Variants in CNTN6 observed in about 807,000 individuals in gnomAD.
CNTN6 encodes contactin 6.
Under a neutral mutation model 122.8 loss-of-function variants are expected in CNTN6, and 137 were observed. The ratio of observed to expected loss-of-function variants is 1.12; its 90% CI spans 0.97 to 1.29. CNTN6 has a LOEUF of 1.29. CNTN6 is among the 50% of genes most tolerant of loss of function. The pLI, the probability that CNTN6 is intolerant of heterozygous loss-of-function variation, is 0.00. For synonymous variants in CNTN6, 570 were observed against 426.0 expected (o/e 1.34, Z -4.16); for missense variants, 1,634 against 1,223.4 (o/e 1.34, Z -5.01).
intron 17 of CNTN6, among the ~76,000 whole-genome samples, chr3:1,382,356 TGA>T (rs1204994389): frequency 5.3e-5 from 8 of 152,224 alleles, no homozygotes; most frequent in Non-Finnish European, 4.4e-5. Flanking sequence ...CTGATCTTTG[TGA>T]GAGTTAACAG....
rs528583644 is a variant in CNTN6, at chr3:1,203,920, T to A, written c.56-16767T>A. On this transcript the variant is annotated intron_variant, in intron 2 of 22. Transcript: ENST00000446702. Reference sequence around the variant, plus strand: ...AATACTCCCCATTGTGTTACAGTTGTCTGCAGTACTCAGTACAGTAACATG... The same window carrying A: ...AATACTCCCCATTGTGTTACAGTTGACTGCAGTACTCAGTACAGTAACATG... Among the ~76,000 whole-genome samples, 12 of 152,314 alleles carry A rather than the reference T, an allele frequency of 7.9e-5. No homozygotes were observed. In the South Asian group the frequency reaches 1.9e-3, roughly 24 times the overall value.
chr3:1,272,437 G>T (rs140056180), intron 4 of CNTN6, among the ~76,000 whole-genome samples: 1 of 152,228 alleles, frequency 6.6e-6, no homozygotes, highest in African/African-American at 2.4e-5. Flanking sequence ...CAGAGCATCT[G>T]ACATATAATG....
At chr3:1,342,539 C>T (rs1380652324) in intron 11 of CNTN6, among the ~76,000 whole-genome samples, 1 of 151,958 alleles carries the variant, frequency 6.6e-6, no homozygotes, top group South Asian at 2.1e-4. Context: ...GTTTCCTTTC[C>T]TTTCCCTCTT....
rs575650235 is a variant in CNTN6, at chr3:1,353,804, A to G, written c.1492+1353A>G. 3.3e-5 allele frequency among the ~76,000 whole-genome samples: 5 copies of G among 151,608 alleles called. No individual in the cohort carries two copies. In the South Asian group the frequency reaches 8.3e-4, roughly 25 times the overall value. On this transcript the variant is annotated intron_variant, in intron 12 of 22. Transcript: ENST00000446702. Reference sequence around the variant, plus strand: ...AAGATTAAAATGTGGTGAAGGATAAAAAGGCATTTTGCAGTTAAATCTTCT... The same window carrying G: ...AAGATTAAAATGTGGTGAAGGATAAGAAGGCATTTTGCAGTTAAATCTTCT...
At chr3:1,159,409 A>T (rs147091431) in intron 2 of CNTN6, among the ~76,000 whole-genome samples, 348 of 152,020 alleles carry the variant, frequency 2.3e-3, no homozygotes, top group African/African-American at 7.9e-3. Flanking sequence ...ATGACTGGAG[A>T]TTTCATCACA....
At chr3:1,258,500 A>G (rs2094794889) in intron 4 of CNTN6, among the ~76,000 whole-genome samples, 1 of 152,120 alleles carries the variant, frequency 6.6e-6, no homozygotes, top group Non-Finnish European at 1.5e-5. Flanking sequence ...TACGAGTCAC[A>G]AAGCTTGAGT....
chr3:1,158,867 C>T (rs796654727), intron 2 of CNTN6, among the ~76,000 whole-genome samples: 2 of 22,334 alleles, frequency 9.0e-5, no homozygotes, highest in Non-Finnish European at 3.4e-4. Flanking sequence ...TATATACACA[C>T]ATATATATAC....
intron 19 of CNTN6, among the ~76,000 whole-genome samples, 187 bp from the exon 20 acceptor site, chr3:1,385,424 T>C (rs1400811572): frequency 3.3e-5 from 5 of 152,228 alleles, no homozygotes; most frequent in Non-Finnish European, 1.5e-5. Context: ...ATGACTTTTT[T>C]CCTCATAAAT....
intron 2 of CNTN6, among the ~76,000 whole-genome samples, chr3:1,206,972 G>A (rs927623900): frequency 2.0e-5 from 3 of 152,026 alleles, no homozygotes; most frequent in African/African-American, 7.2e-5. Flanking sequence ...GTGTCTTCAG[G>A]ATGGGTTTGG....
At chr3:1,238,201 AAC>A (rs1027301613) in intron 4 of CNTN6, among the ~76,000 whole-genome samples, 6 of 152,144 alleles carry the variant, frequency 3.9e-5, no homozygotes, top group African/African-American at 1.4e-4. Flanking sequence ...AGACTCAACT[AAC>A]ACAGAAGAAC....
chr3:1,112,061 A>G (rs1003745931), intron 1 of CNTN6, among the ~76,000 whole-genome samples: 2 of 152,198 alleles, frequency 1.3e-5, no homozygotes, highest in Non-Finnish European at 2.9e-5. Context: ...GGAGATCATG[A>G]TACGAATAAG....
chr3:1,350,578 T>C (rs1412784516), intron 11 of CNTN6, among the ~76,000 whole-genome samples: 1 of 151,840 alleles, frequency 6.6e-6, no homozygotes, highest in East Asian at 1.9e-4. Flanking sequence ...TTAGCAAACA[T>C]TGAAGACCTA....
At chr3:1,400,538 T>C (rs2126259328) in intron 20 of CNTN6, among the ~76,000 whole-genome samples, 1 of 152,252 alleles carries the variant, frequency 6.6e-6, no homozygotes, top group South Asian at 2.1e-4. Flanking sequence ...AAAGTTGATG[T>C]CCTTTGGGAT....
At chr3:1,240,982 T>G (rs967342207) in intron 4 of CNTN6, among the ~76,000 whole-genome samples, 1 of 151,536 alleles carries the variant, frequency 6.6e-6, no homozygotes, top group African/African-American at 2.4e-5. Context: ...CAAAGTACAT[T>G]CTCAAGGGTG....
In CNTN6 at chr3:1,277,346, C is replaced by CTTTTCTTTTTTTT. The variant is rs1692561797; in HGVS notation, c.359-1063_359-1062insCTTTTTTTTTTTT. On this transcript the variant is annotated intron_variant, in intron 4 of 22. Transcript: ENST00000446702. ...CTACTTCTGTCTTTTAGTAGGTTTT[C>CTTTTCTTTTTTTT]TTTTTTTTTTTTTTTTTTTTTTTTT... Among the ~76,000 whole-genome samples, 4 of 80,192 alleles carry CTTTTCTTTTTTTT rather than the reference C, an allele frequency of 5.0e-5. No individual in the cohort carries two copies. In the East Asian group the frequency reaches 1.1e-3, roughly 22 times the overall value. 52.6% of individuals were successfully genotyped at this position (80,192 alleles called of 152,430 possible). A position where few individuals can be genotyped will look rare whatever the true frequency, so the allele number is the denominator to read the frequency against.
intron 2 of CNTN6, among the ~76,000 whole-genome samples, chr3:1,189,798 C>T: frequency 6.6e-6 from 1 of 152,162 alleles, no homozygotes; most frequent in East Asian, 1.9e-4. Flanking sequence ...AAAAATGCCA[C>T]CATCTCTACT....
chr3:1,230,106 TA>T (rs2094335310), intron 4 of CNTN6, among the ~76,000 whole-genome samples: 1 of 152,192 alleles, frequency 6.6e-6, no homozygotes, highest in African/African-American at 2.4e-5. Context: ...ACCTTCATCT[TA>T]ATTATAATTC....
At chr3:1,235,227 G>A (rs2094406312) in intron 4 of CNTN6, among the ~76,000 whole-genome samples, 2 of 152,046 alleles carry the variant, frequency 1.3e-5, no homozygotes, top group Non-Finnish European at 2.9e-5. Flanking sequence ...AGAAAGTAGG[G>A]GATCCATTCT....
intron 2 of CNTN6, among the ~76,000 whole-genome samples, chr3:1,189,476 T>TA (rs1372143891): frequency 6.6e-6 from 1 of 152,216 alleles, no homozygotes; most frequent in Non-Finnish European, 1.5e-5. Context: ...TTATATTTTT[T>TA]AAAAGTTTGT....
Sources: allele counts gnomAD v4.1 joint callset (sites outside exome capture counted in the v4.1 genomes callset), GRCh38; gene constraint gnomAD v4.1.1; transcripts MANE v1.5; gene names NCBI Gene and HGNC (gene_info 2026-07-23, HGNC 2026-07-21).